The following ANO4 variants were observed in gnomAD, a reference collection of about 807,000 sequenced individuals.
ANO4 encodes anoctamin-4.
In ANO4, 69 loss-of-function variants were observed where a neutral mutation model predicts 141.9. The ratio of observed to expected loss-of-function variants is 0.49; its 90% CI spans 0.40 to 0.59. The LOEUF (loss-of-function observed/expected upper bound fraction) is 0.59, where lower values mean the gene tolerates loss of function less well. Among genes scored for constraint, ANO4 ranks in the 20% least tolerant of loss-of-function variants. The pLI is 0.00. For missense variants in ANO4, 894 were observed against 1,162.2 expected, an observed-to-expected ratio of 0.77 and a Z score of 3.36; for synonymous variants, 350 against 394.3, an observed-to-expected ratio of 0.89 and a Z score of 1.33.
At chr12:101,066,936 AAC>A in intron 14 of ANO4, 1 of 779,884 alleles carries the variant, frequency 1.3e-6, no homozygotes, top group East Asian at 2.5e-5. Flanking sequence ...GTTACAAGGC[AAC>A]ATGAGGACTT....
intron 5 of ANO4, among the ~76,000 whole-genome samples, chr12:100,944,126 G>C (rs1484325167): frequency 6.6e-6 from 1 of 152,088 alleles, no homozygotes; most frequent in Non-Finnish European, 1.5e-5. Context: ...ATGTTATTTC[G>C]TGATTTATTC....
In ANO4 at chr12:100,806,523, CGTTTTTTTTTTT is replaced by C. The variant is rs1324011562; in HGVS notation, c.-141+11497_-141+11508del. On this transcript the variant is annotated intron_variant, in intron 1 of 27. Transcript: ENST00000392977. ...TTTTTAGGAGGTTTTTTTTTTGTTT[CGTTTTTTTTTTT>C]TTTTTTTTTTTTTTTTTTTTTTTTT... Among the ~76,000 whole-genome samples, 47 of 44,980 alleles carry C rather than the reference CGTTTTTTTTTTT, an allele frequency of 1.0e-3. 3 individuals carry two copies. Among genetic ancestry groups the C allele is most frequent in the Non-Finnish European group, 1.7e-3 (39 of 22,624 alleles). The allele number at this position is 44,980 out of a possible 152,430, so 29.5% of individuals were successfully genotyped here. A position where few individuals can be genotyped will look rare whatever the true frequency, so the allele number is the denominator to read the frequency against.
intron 1 of ANO4, among the ~76,000 whole-genome samples, chr12:100,808,166 A>T (rs1384036903): frequency 6.6e-6 from 1 of 152,116 alleles, no homozygotes; most frequent in Non-Finnish European, 1.5e-5. Flanking sequence ...GTCTGAACTA[A>T]TTGACACTCC....
intron 2 of ANO4, among the ~76,000 whole-genome samples, chr12:100,902,074 G>A (rs2040620380): frequency 6.6e-6 from 1 of 152,180 alleles, no homozygotes; most frequent in Non-Finnish European, 1.5e-5. Flanking sequence ...CACAGTGGTA[G>A]AATCTAAATG....
upstream of ANO4, chr12:100,794,679 G>A (rs2034188796): frequency 6.6e-6 from 1 of 152,168 alleles, no homozygotes; most frequent in African/African-American, 2.4e-5. Flanking sequence ...CCAGCCTAGT[G>A]CCCACCCTCC....
chr12:100,952,245 C>T (rs967297522), intron 5 of ANO4, among the ~76,000 whole-genome samples: 1 of 152,244 alleles, frequency 6.6e-6, no homozygotes, highest in Non-Finnish European at 1.5e-5. Context: ...CTTACTACTT[C>T]ACCACTTACT....
exon 3 of ANO4, chr12:100,740,100 C>T (rs1321020089): frequency 2.8e-6 from 2 of 702,428 alleles, no homozygotes; most frequent in Non-Finnish European, 5.2e-6. Context: ...AGTCAAGACA[C>T]AACAGGTAAG....
chr12:100,976,598 G>C (rs927702979), intron 7 of ANO4, among the ~76,000 whole-genome samples: 2 of 152,218 alleles, frequency 1.3e-5, no homozygotes, highest in Admixed American at 1.3e-4. Flanking sequence ...TTGTTCAGTA[G>C]ATCTGCAGTG....
intron 9 of ANO4, among the ~76,000 whole-genome samples, chr12:101,028,795 G>T (rs1414175512): frequency 1.3e-5 from 2 of 152,164 alleles, no homozygotes; most frequent in African/African-American, 4.8e-5. Context: ...AACCTAGGAA[G>T]ACAGGCCAAT....
At chr12:100,842,397 G>A (rs4764757) in intron 1 of ANO4, among the ~76,000 whole-genome samples, 125,722 of 151,782 alleles carry the variant, frequency 0.83, 52,108 homozygotes, top group Admixed American at 0.87. Context: ...CTGTTTGCAA[G>A]TGTGTGTATG....
At chr12:100,982,774 A>G (rs1381381792) in intron 7 of ANO4, among the ~76,000 whole-genome samples, 4 of 152,236 alleles carry the variant, frequency 2.6e-5, no homozygotes, top group East Asian at 1.9e-4. Flanking sequence ...CCATCATTGT[A>G]TACTAAAGGT....
chr12:100,762,006 C>T (rs150635590), intron 3 of ANO4, among the ~76,000 whole-genome samples: 7 of 152,282 alleles, frequency 4.6e-5, no homozygotes, highest in African/African-American at 1.4e-4. Flanking sequence ...GTACTTGCCT[C>T]TCCTTCACTG....
chr12:100,961,741 T>A lies in ANO4; in HGVS notation c.457-9565T>A, dbSNP rs189441596. On this transcript the variant is annotated intron_variant, in intron 5 of 27. Transcript: ENST00000392977. ...TATATGCTAAGTCTTCAAAATCTGG[T>A]GTGTACTTTCCACAGTCAGCACATC... is the stretch of plus-strand genomic sequence containing the variant. 2.6e-5 allele frequency among the ~76,000 whole-genome samples: 4 copies of A among 152,332 alleles called. No individual in the cohort carries two copies. In the East Asian group the frequency reaches 7.7e-4, roughly 29 times the overall value.
chr12:101,062,490 TG>T (rs1465846492), intron 14 of ANO4, among the ~76,000 whole-genome samples: 2 of 152,322 alleles, frequency 1.3e-5, no homozygotes, highest in Admixed American at 1.3e-4. Context: ...CGACAGCCAC[TG>T]CTTCCCCCAG....
At position 101,037,159 on chromosome 12, in the gene ANO4, CTG is replaced by C. The variant is rs1426153382; in HGVS notation, c.897+11_897+12del. The C allele has an allele frequency of 6.2e-7, 1 of 1,613,334 alleles. No individual in the cohort carries two copies. The highest frequency in any genetic ancestry group is 2.2e-5 in the East Asian group (1 of 44,860). ...CGTTTCCCCTGCATGAGGTATTGTGCTGTCTTTAATCTTTATCTTTCTTTCAA... is the reference window on the plus strand; with the variant it reads ...CGTTTCCCCTGCATGAGGTATTGTGCTCTTTAATCTTTATCTTTCTTTCAA... On this transcript the variant is annotated intron_variant, in intron 10 of 27. Coordinates refer to ENST00000392977, the MANE Select transcript of ANO4 (RefSeq NM_001286615.2).
chr12:100,822,127 C>G (rs1190917488), intron 1 of ANO4, among the ~76,000 whole-genome samples: 1 of 151,944 alleles, frequency 6.6e-6, no homozygotes, highest in East Asian at 1.9e-4. Flanking sequence ...ATAAAAATAA[C>G]AAGAAACAGC....
intron 11 of ANO4, 103 bp downstream of exon 11, chr12:101,040,179 A>G: frequency 7.2e-7 from 1 of 1,397,906 alleles, no homozygotes; most frequent in Non-Finnish European, 9.5e-7. Flanking sequence ...CCTGAAGTGT[A>G]CAGCTCTCAC....
At chr12:100,957,914 G>A (rs181718403) in intron 5 of ANO4, among the ~76,000 whole-genome samples, 100 of 152,224 alleles carry the variant, frequency 6.6e-4, no homozygotes, top group African/African-American at 2.3e-3. Context: ...CGCCATGTTG[G>A]CCAGGCTGGT....
In ANO4 at chr12:100,724,119, A is replaced by G. The variant is rs879915891; in HGVS notation, c.22+6572A>G. On this transcript the variant is annotated intron_variant, in intron 1 of 29. Coordinates refer to the ANO4 transcript ENST00000644049. Reference sequence around the variant, plus strand: ...ACCTCCTGAAGATAATGAAAACAGAATATAAGATTTTCAACAGTGAATCAA... The same window carrying G: ...ACCTCCTGAAGATAATGAAAACAGAGTATAAGATTTTCAACAGTGAATCAA... Among the ~76,000 whole-genome samples the G allele has an allele frequency of 5.5e-4, 83 of 152,260 alleles. 1 individual carries two copies. The highest frequency in any genetic ancestry group is 1.9e-3 in the African/African-American group (78 of 41,464).
Sources: allele counts gnomAD v4.1 joint callset (sites outside exome capture counted in the v4.1 genomes callset), GRCh38; gene constraint gnomAD v4.1.1; transcripts MANE v1.5; gene names NCBI Gene and HGNC (gene_info 2026-07-23, HGNC 2026-07-21).